The following F8 variants were observed in gnomAD, a reference collection of about 807,000 sequenced individuals.
F8 encodes the protein coagulation factor VIII, also known as antihemophilic factor.
Under a neutral mutation model 140.6 loss-of-function variants are expected in F8, and 12 were observed. The observed-to-expected ratio is 0.09, with a 90% CI of 0.05 to 0.14. The LOEUF (loss-of-function observed/expected upper bound fraction) is 0.14, where lower values mean the gene tolerates loss of function less well. Among genes scored for constraint, F8 ranks in the 10% least tolerant of loss-of-function variants. The probability of loss-of-function intolerance (pLI) is 1.00; values close to 1 mark genes in which losing one functional copy is unlikely to be tolerated. For synonymous variants in F8, 585 were observed against 614.6 expected, an observed-to-expected ratio of 0.95 and a Z score of 0.71; for missense variants, 1,354 against 1,720.7, an observed-to-expected ratio of 0.79 and a Z score of 3.77.
At chrX:154,998,821 T>C (rs1276912782) in intron 2 of F8, among the ~76,000 whole-genome samples, 2 of 111,503 alleles carry the variant, frequency 1.8e-5, no homozygotes, top group East Asian at 5.7e-4. Flanking sequence ...TCAGGAGAAG[T>C]CCTTTTGGCC....
At chrX:155,016,756 C>T (rs1252410671) in intron 1 of F8, among the ~76,000 whole-genome samples, 3 of 112,541 alleles carry the variant, frequency 2.7e-5, no homozygotes, top group Non-Finnish European at 5.6e-5. Context: ...GTGGGAGAGA[C>T]TCATTAAAAA....
intron 13 of F8, among the ~76,000 whole-genome samples, chrX:154,936,025 A>ACAC (rs1569559710): frequency 9.4e-5 from 9 of 95,418 alleles, no homozygotes; most frequent in African/African-American, 3.1e-4. Context: ...CACACACACA[A>ACAC]AAATCAAAGT....
chrX:154,921,594 G>A (rs1557277570), intron 14 of F8, among the ~76,000 whole-genome samples: 1 of 111,344 alleles, frequency 9.0e-6, no homozygotes, highest in Non-Finnish European at 1.9e-5. Flanking sequence ...ATTTATTGCG[G>A]CACTATTCAC....
chrX:154,952,794 G>A (rs1400453600), intron 12 of F8, among the ~76,000 whole-genome samples: 3 of 111,181 alleles, frequency 2.7e-5, no homozygotes, highest in Admixed American at 9.5e-5. Context: ...CGCCTGCCTC[G>A]GCCTCCCAAA....
intron 13 of F8, among the ~76,000 whole-genome samples, chrX:154,944,724 T>A: frequency 9.0e-6 from 1 of 111,619 alleles, no homozygotes; most frequent in Non-Finnish European, 1.9e-5. Context: ...TGCACACGTA[T>A]GTTTATAGCG....
chrX:154,937,475 G>A (rs2073231036), intron 13 of F8, among the ~76,000 whole-genome samples: 2 of 109,311 alleles, frequency 1.8e-5, no homozygotes, highest in Non-Finnish European at 3.8e-5. Flanking sequence ...GCTAGATGAC[G>A]AGTTAGTGGG....
chrX:154,900,186 T>G (rs1486143015), intron 20 of F8, among the ~76,000 whole-genome samples: 1 of 112,200 alleles, frequency 8.9e-6, no homozygotes, highest in Non-Finnish European at 1.9e-5. Context: ...TCTAACTAGC[T>G]GATACTGCAA....
rs1309452129 is a variant in F8 at position 154,956,988 on chromosome X, T to C, written c.1721A>G (p.Tyr574Cys). ...SGLIGPLLIC[Y>C]KESVDQRGNQ... is the part of the protein sequence containing the mutation. ...TCCTCTTTGATCTACAGATTCTTTGTAGCAGATGAGGAGAGGGCCAATGAG... is the reference window on the plus strand; with the variant it reads ...TCCTCTTTGATCTACAGATTCTTTGCAGCAGATGAGGAGAGGGCCAATGAG... Residue 574 changes from tyrosine to cysteine, a missense_variant, in exon 11 of 26, where the codon TAC (tyrosine) becomes TGC (cysteine). By Grantham distance (194) the Tyr-to-Cys change is radical. Transcript: ENST00000360256. 2.5e-6 allele frequency: 3 copies of C among 1,211,386 alleles called. No homozygotes were observed. Among genetic ancestry groups the C allele is most frequent in the Non-Finnish European group, 3.4e-6 (3 of 895,045 alleles).
intron 14 of F8, among the ~76,000 whole-genome samples, chrX:154,914,681 A>G (rs1236712462): frequency 1.8e-5 from 2 of 112,144 alleles, no homozygotes; most frequent in African/African-American, 6.5e-5. Flanking sequence ...TTCATTGTCC[A>G]TATCACTATC....
chrX:154,847,569 A>T (rs1328462036), intron 25 of F8, among the ~76,000 whole-genome samples: 2 of 112,065 alleles, frequency 1.8e-5, no homozygotes, highest in Non-Finnish European at 3.8e-5. Context: ...CTTCCAGTTG[A>T]TCGCATCGGC....
rs187131822 is a variant in F8 at position 154,866,803 on chromosome X, A to G, written c.6430-3576T>C. ...CCTCCAGGAACTACAAAAAGAAGAA[A>G]AAAAAAACTAAGCCCAAAGGTAGCA... On this transcript the variant is annotated intron_variant, in intron 22 of 25. Coordinates refer to ENST00000360256, the MANE Select transcript of F8 (RefSeq NM_000132.4). Among the ~76,000 whole-genome samples, 6 of 111,681 alleles carry G rather than the reference A, an allele frequency of 5.4e-5. No homozygotes were observed. The East Asian group carries it at 1.7e-3, about 31-fold the overall frequency.
chrX:154,854,590 T>TTGTGTGTGTG (rs112995374), intron 25 of F8, among the ~76,000 whole-genome samples: 16 of 100,439 alleles, frequency 1.6e-4, no homozygotes, highest in Non-Finnish European at 2.8e-4. Context: ...AGCTAATTCC[T>TTGTGTGTGTG]TGTGTGTGTG....
At chrX:154,862,217 G>A (rs904029139) in intron 23 of F8, among the ~76,000 whole-genome samples, 1 of 109,934 alleles carries the variant, frequency 9.1e-6, no homozygotes, top group Non-Finnish European at 1.9e-5. Context: ...TAGTAGAGTT[G>A]GGGTTTCACT....
chrX:155,015,350 G>A (rs2073728764), intron 1 of F8, among the ~76,000 whole-genome samples: 1 of 111,663 alleles, frequency 9.0e-6, no homozygotes, highest in Non-Finnish European at 1.9e-5. Flanking sequence ...AAGCTAAATT[G>A]GACTTAACTA....
At chrX:154,992,866 T>C in intron 4 of F8, 70 bp downstream of exon 4, 2 of 1,002,487 alleles carry the variant, frequency 2.0e-6, no homozygotes, top group Admixed American at 4.4e-5. Flanking sequence ...ATGCTAACTG[T>C]TATAGATAGA....
intron 13 of F8, among the ~76,000 whole-genome samples, chrX:154,942,589 G>A (rs964259948): frequency 1.9e-5 from 2 of 107,273 alleles, no homozygotes; most frequent in African/African-American, 6.8e-5. Context: ...ACCAGAGGTA[G>A]AAGGAGGAAT....
At position 155,013,222 on chromosome X, in the gene F8, T is replaced by C. The variant is rs1467777498; in HGVS notation, c.143+9188A>G. Among the ~76,000 whole-genome samples, 5 of 110,182 alleles carry C rather than the reference T, an allele frequency of 4.5e-5. No individual in the cohort carries two copies. The South Asian group carries it at 1.6e-3, about 35-fold the overall frequency. On this transcript the variant is annotated intron_variant, in intron 1 of 25. Coordinates refer to ENST00000360256, the MANE Select transcript of F8 (RefSeq NM_000132.4). ...GCTGTGTCCCCACCTAAATCTCATC[T>C]TGAATTGTAGCTCCCACAATCCCCA...
chrX:154,958,145 T>G (rs190639729), intron 10 of F8, among the ~76,000 whole-genome samples: 117 of 111,294 alleles, frequency 1.1e-3, no homozygotes, highest in Non-Finnish European at 1.8e-3. Flanking sequence ...AGAGTTACCA[T>G]GGGGACCTCA....
chrX:154,922,995 G>C (rs1174948497), intron 14 of F8, among the ~76,000 whole-genome samples: 2 of 111,490 alleles, frequency 1.8e-5, no homozygotes, highest in African/African-American at 6.5e-5. Context: ...GTTGGAAACA[G>C]GAAGGCTTTG....
Sources: gnomAD v4.1 joint callset for allele counts (sites outside exome capture counted in the v4.1 genomes callset) on GRCh38, gnomAD v4.1.1 for gene constraint, MANE v1.5 for transcripts, NCBI Gene and HGNC (gene_info 2026-07-23, HGNC 2026-07-21) for gene names.